The following RFTN2 variants were observed in gnomAD, a reference collection of about 807,000 sequenced individuals.
RFTN2 encodes the protein raftlin family member 2.
Under a neutral mutation model 52.7 loss-of-function variants are expected in RFTN2, and 34 were observed. The ratio of observed to expected loss-of-function variants is 0.64; its 90% CI spans 0.49 to 0.86. The LOEUF (loss-of-function observed/expected upper bound fraction) is 0.86, where lower values mean the gene tolerates loss of function less well. RFTN2 is among the 40% of genes least tolerant of loss of function. The pLI, the probability that RFTN2 is intolerant of heterozygous loss-of-function variation, is 0.00. For missense variants in RFTN2, 536 were observed against 600.1 expected, an observed-to-expected ratio of 0.89 and a Z score of 1.12; for synonymous variants, 203 against 217.7, an observed-to-expected ratio of 0.93 and a Z score of 0.59.
intron 1 of RFTN2, among the ~76,000 whole-genome samples, chr2:197,660,816 C>G (rs1467904655): frequency 6.6e-6 from 1 of 152,072 alleles, no homozygotes; most frequent in Non-Finnish European, 1.5e-5. Flanking sequence ...GCCTTGGCCT[C>G]CCAAAATGCT....
chr2:197,607,212 T>C (rs2087976216), intron 7 of RFTN2, among the ~76,000 whole-genome samples: 1 of 152,074 alleles, frequency 6.6e-6, no homozygotes, highest in Non-Finnish European at 1.5e-5. Context: ...TCATCATTCT[T>C]AGCAAACTAT....
At chr2:197,612,790 A>T (rs906469748) in intron 7 of RFTN2, among the ~76,000 whole-genome samples, 1 of 152,240 alleles carries the variant, frequency 6.6e-6, no homozygotes, top group African/African-American at 2.4e-5. Context: ...TACTGTATGT[A>T]TGTAATCCAA....
At chr2:197,647,459 C>T (rs1484752991) in intron 1 of RFTN2, among the ~76,000 whole-genome samples, 1 of 152,174 alleles carries the variant, frequency 6.6e-6, no homozygotes, top group Non-Finnish European at 1.5e-5. Flanking sequence ...AGCCTGCTGC[C>T]TTGGCTTCCC....
chr2:197,662,657 G>A (rs937620271), intron 1 of RFTN2, among the ~76,000 whole-genome samples: 1 of 151,578 alleles, frequency 6.6e-6, no homozygotes, highest in African/African-American at 2.4e-5. Flanking sequence ...CTGGTATTTT[G>A]ATAGGGATTG....
In RFTN2 at chr2:197,634,704, T is replaced by A. The variant is rs1051077080; in HGVS notation, c.439-707A>T. 6.2e-5 allele frequency among the ~76,000 whole-genome samples: 9 copies of A among 145,008 alleles called. No homozygotes were observed. In the East Asian group the frequency reaches 1.2e-3, roughly 19 times the overall value. On this transcript the variant is annotated intron_variant, in intron 3 of 8. Transcript: ENST00000295049. ...ATGCTTATTTTTTATTTTTTATTTT[T>A]TTTTTATTTTTAAGGATTATTTATT...
At chr2:197,648,483 AT>A (rs2088783360) in intron 1 of RFTN2, among the ~76,000 whole-genome samples, 1 of 152,158 alleles carries the variant, frequency 6.6e-6, no homozygotes, top group African/African-American at 2.4e-5. Flanking sequence ...TCTGTGATTC[AT>A]TTGGTTTTGC....
Position 197,631,172 on chromosome 2 carries a change from G to A in RFTN2, c.767C>T (p.Ser256Leu). Residue 256 changes from serine to leucine, a missense_variant, in exon 5 of 9, where the codon TCA becomes TTA. Physicochemically the swap from Ser to Leu is moderately radical, Grantham distance 145. Coordinates refer to ENST00000295049, the MANE Select transcript of RFTN2 (RefSeq NM_144629.3). ...YTVFNAFDDD[S>L]TSWAYQEGIL... ...GCCTTCCTGATAGGCCCAGGAGGTTGAATCATCATCAAAAGCATTGAAGAC... is the reference window on the plus strand; with the variant it reads ...GCCTTCCTGATAGGCCCAGGAGGTTAAATCATCATCAAAAGCATTGAAGAC... 6.2e-7 allele frequency: 1 copy of A among 1,613,558 alleles called. No homozygotes were observed. Among genetic ancestry groups the A allele is most frequent in the Non-Finnish European group, 8.5e-7 (1 of 1,179,738 alleles).
intron 8 of RFTN2, among the ~76,000 whole-genome samples, chr2:197,579,109 C>A (rs569397162): frequency 6.6e-6 from 1 of 152,180 alleles, no homozygotes; most frequent in African/African-American, 2.4e-5. Context: ...GTCACAGACT[C>A]GGGAAGACAG....
intron 5 of RFTN2, among the ~76,000 whole-genome samples, chr2:197,621,563 A>T (rs2088266620): frequency 6.6e-6 from 1 of 151,792 alleles, no homozygotes; most frequent in Non-Finnish European, 1.5e-5. Context: ...TCTATCTGTT[A>T]TGGTGGTCTG....
intron 1 of RFTN2, among the ~76,000 whole-genome samples, chr2:197,667,974 C>G (rs1346254679): frequency 1.3e-5 from 2 of 152,048 alleles, no homozygotes; most frequent in African/African-American, 4.8e-5. Flanking sequence ...TAGGAGGGTC[C>G]TTGGCCCCCT....
chr2:197,594,153 C>T (rs564343993), intron 8 of RFTN2, among the ~76,000 whole-genome samples: 3 of 150,640 alleles, frequency 2.0e-5, no homozygotes, highest in African/African-American at 4.9e-5. Flanking sequence ...GTAGCTGGTA[C>T]GACAGGCACG....
At chr2:197,631,250 A>T (rs758932256) in intron 4 of RFTN2, 30 bp from the exon 5 acceptor site, 5 of 1,499,388 alleles carry the variant, frequency 3.3e-6, no homozygotes, top group Non-Finnish European at 4.6e-6. Context: ...AAAAAGGGGA[A>T]AATTATAATT....
At chr2:197,669,653 A>C (rs1463532465) in intron 1 of RFTN2, among the ~76,000 whole-genome samples, 1 of 152,116 alleles carries the variant, frequency 6.6e-6, no homozygotes, top group East Asian at 1.9e-4. Context: ...TTCACAATAC[A>C]TGCTCCTATG....
chr2:197,669,269 T>C (rs776674856), intron 1 of RFTN2, among the ~76,000 whole-genome samples: 1 of 152,222 alleles, frequency 6.6e-6, no homozygotes, highest in African/African-American at 2.4e-5. Context: ...ACCATTCTGT[T>C]TTATTTTCAG....
In RFTN2 at chr2:197,665,517, C is replaced by CTTTTTTTTTTTTTTTTTTTTTTTTTTTT; in HGVS notation, c.139+9802_139+9803insAAAAAAAAAAAAAAAAAAAAAAAAAAAA. Reference sequence around the variant, plus strand: ...ATTCCTTTATCATTATGTACCTTGCCTTTTTTTTTTTTTTTTACTGTTTTC... The same window carrying CTTTTTTTTTTTTTTTTTTTTTTTTTTTT: ...ATTCCTTTATCATTATGTACCTTGCCTTTTTTTTTTTTTTTTTTTTTTTTTTTTTTTTTTTTTTTTTTTTACTGTTTTC... On this transcript the variant is annotated intron_variant, in intron 1 of 8. Transcript: ENST00000295049. Among the ~76,000 whole-genome samples the CTTTTTTTTTTTTTTTTTTTTTTTTTTTT allele has an allele frequency of 6.0e-4, 25 of 41,478 alleles. 4 individuals carry two copies. The highest frequency in any genetic ancestry group is 9.9e-4 in the African/African-American group (7 of 7,094). The allele number at this position is 41,478 out of a possible 152,430, so 27.2% of individuals were successfully genotyped here. A position where few individuals can be genotyped will look rare whatever the true frequency, so the allele number is the denominator to read the frequency against.
chr2:197,605,811 T>G (rs138371599), intron 7 of RFTN2, among the ~76,000 whole-genome samples: 129 of 152,240 alleles, frequency 8.5e-4, no homozygotes, highest in African/African-American at 3.1e-3. Context: ...CATTTACTAT[T>G]CCAAGTTAGC....
At chr2:197,642,991 G>A (rs2088696652) in intron 3 of RFTN2, among the ~76,000 whole-genome samples, 2 of 152,004 alleles carry the variant, frequency 1.3e-5, no homozygotes, top group African/African-American at 4.8e-5. Flanking sequence ...AGACAAAATG[G>A]GATTTATGAT....
intron 8 of RFTN2, among the ~76,000 whole-genome samples, chr2:197,572,941 T>A (rs1006082990): frequency 2.0e-5 from 3 of 152,194 alleles, no homozygotes; most frequent in African/African-American, 7.2e-5. Flanking sequence ...ATGTGAGACA[T>A]GACTTTGCTC....
intron 4 of RFTN2, 37 bp downstream of exon 4, chr2:197,633,681 T>G: frequency 1.3e-6 from 2 of 1,553,960 alleles, no homozygotes; most frequent in South Asian, 2.3e-5. Context: ...TTGCTTAAAC[T>G]ATAGTATATT....
Sources: allele counts gnomAD v4.1 joint callset (sites outside exome capture counted in the v4.1 genomes callset), GRCh38; gene constraint gnomAD v4.1.1; transcripts MANE v1.5; gene names NCBI Gene and HGNC (gene_info 2026-07-23, HGNC 2026-07-21).